LGR6: variants seen among roughly 807,000 people sequenced by gnomAD.
The protein encoded by LGR6 is leucine rich repeat containing G protein-coupled receptor 6.
Under a neutral mutation model 69.4 loss-of-function variants are expected in LGR6, and 45 were observed. The observed-to-expected ratio is 0.65, with a 90% CI of 0.51 to 0.83. The LOEUF is 0.83. LGR6 is among the 40% of genes least tolerant of loss of function. LGR6 has a pLI of 0.00. For synonymous variants in LGR6, 538 were observed against 555.0 expected (o/e 0.97, Z 0.43); for missense variants, 1,108 against 1,246.7 (o/e 0.89, Z 1.68).
At position 202,235,961 on chromosome 1, in the gene LGR6, G is replaced by A. The variant is rs962607392; in HGVS notation, c.396G>A (p.Glu132=). 1 of 1,614,016 alleles carries A rather than the reference G, an allele frequency of 6.2e-7. No individual in the cohort carries two copies. Among genetic ancestry groups the A allele is most frequent in the Non-Finnish European group, 8.5e-7 (1 of 1,180,010 alleles). The change falls in exon 4 of 18, where the codon GAG becomes GAA. Residue 132 remains glutamate (E), a synonymous_variant. Coordinates refer to ENST00000367278, the MANE Select transcript of LGR6 (RefSeq NM_001017403.2). ...QNNQLGGIPA[E]ALWELPSLQS... ...ATCAGCTGGGAGGAATCCCCGCAGA[G>A]GCGCTGTGGGAGCTGCCGAGCCTGC...
rs765601692 is a variant in LGR6, at chr1:202,319,033, C to T, written c.2730C>T (p.Pro910=). 1.2e-6 allele frequency: 2 copies of T among 1,614,150 alleles called. No individual in the cohort carries two copies. The highest frequency in any genetic ancestry group is 1.7e-6 in the Non-Finnish European group (2 of 1,179,996). ...TCTCCTGTCAGCAGCCAGGGGCCCC[C>T]AGGCTGGAGGGCAGCCATTGTGTAG... ...TLISCQQPGA[P]RLEGSHCVEP... is the part of the protein sequence containing the mutation. The change falls in exon 18 of 18, where the codon CCC becomes CCT. Residue 910 remains proline, a synonymous_variant. Coordinates refer to ENST00000367278, the MANE Select transcript of LGR6 (RefSeq NM_001017403.2).
intron 6 of LGR6, among the ~76,000 whole-genome samples, chr1:202,293,377 C>T (rs937073615): frequency 1.3e-5 from 2 of 152,184 alleles, no homozygotes; most frequent in African/African-American, 2.4e-5. Context: ...TCCATGAAGC[C>T]CTCATGGTCT....
At chr1:202,219,890 T>A (rs1389223951) in intron 1 of LGR6, among the ~76,000 whole-genome samples, 2 of 152,174 alleles carry the variant, frequency 1.3e-5, no homozygotes, top group Admixed American at 6.6e-5. Flanking sequence ...TTATTTATTT[T>A]TTTTGAGACA....
chr1:202,300,905 C>T lies in LGR6; in HGVS notation c.842C>T (p.Pro281Leu). The change falls in exon 8 of 18, where the codon CCT becomes CTT. Residue 281 changes from proline (P) to leucine (L), a missense_variant. By Grantham distance (98) the Pro-to-Leu change is moderately conservative. Coordinates refer to ENST00000367278, the MANE Select transcript of LGR6 (RefSeq NM_001017403.2). ...AIPEKAFMGN[P>L]LLQTIHFYDN... ...CCAGAAAAGGCCTTCATGGGGAACCCTCTGCTACAGACGATGTGAGTACTA... is the reference window on the plus strand; with the variant it reads ...CCAGAAAAGGCCTTCATGGGGAACCTTCTGCTACAGACGATGTGAGTACTA... The T allele has an allele frequency of 1.2e-6, 2 of 1,612,364 alleles. No individual in the cohort carries two copies. The highest frequency in any genetic ancestry group is 1.3e-5 in the African/African-American group (1 of 74,950).
chr1:202,301,295 GCT>G, intron 9 of LGR6, 60 bp downstream of exon 9: 1 of 1,390,964 alleles, frequency 7.2e-7, no homozygotes, highest in Non-Finnish European at 1.0e-6. Context: ...ACTCCTTCTT[GCT>G]CTCTCCTGCC....
chr1:202,209,440 G>T (rs1659378793), intron 1 of LGR6, among the ~76,000 whole-genome samples: 1 of 152,188 alleles, frequency 6.6e-6, no homozygotes, highest in South Asian at 2.1e-4. Flanking sequence ...ACATCTTTGT[G>T]AGAAATAGAA....
At position 202,235,996 on chromosome 1, in the gene LGR6, G is replaced by A; in HGVS notation, c.428+3G>A. 1 of 1,613,168 alleles carries A rather than the reference G, an allele frequency of 6.2e-7. No individual in the cohort carries two copies. The highest frequency in any genetic ancestry group is 8.5e-7 in the Non-Finnish European group (1 of 1,179,456). Reference sequence around the variant, plus strand: ...GAGCTGCCGAGCCTGCAGTCGCTGTGAGTCATTAGAGGGCTGGTCTGGGAG... The same window carrying A: ...GAGCTGCCGAGCCTGCAGTCGCTGTAAGTCATTAGAGGGCTGGTCTGGGAG... On this transcript the variant is annotated splice_donor_region_variant and intron_variant, in intron 4 of 17. Transcript: ENST00000367278.
At chr1:202,195,444 C>A (rs1252208915) in intron 1 of LGR6, among the ~76,000 whole-genome samples, 1 of 152,192 alleles carries the variant, frequency 6.6e-6, no homozygotes, top group African/African-American at 2.4e-5. Flanking sequence ...CCCCTCCACT[C>A]CAAAAGGCAC....
intron 1 of LGR6, chr1:202,203,665 C>T: frequency 1.4e-6 from 1 of 690,928 alleles, no homozygotes; most frequent in South Asian, 1.8e-5. Flanking sequence ...ATAACTGTGA[C>T]CTGTTGTAGG....
chr1:202,230,145 T>C (rs1332724032), intron 3 of LGR6, among the ~76,000 whole-genome samples: 2 of 152,154 alleles, frequency 1.3e-5, no homozygotes, highest in African/African-American at 4.8e-5. Flanking sequence ...TGTGGGACAC[T>C]CTGCCTTGGT....
intron 3 of LGR6, among the ~76,000 whole-genome samples, chr1:202,232,813 T>C (rs1254054874): frequency 6.6e-6 from 1 of 152,202 alleles, no homozygotes; most frequent in African/African-American, 2.4e-5. Flanking sequence ...AGACAGGACT[T>C]GAGTCCTAGT....
chr1:202,205,554 T>A (rs1307775044), intron 1 of LGR6, among the ~76,000 whole-genome samples: 2 of 96,156 alleles, frequency 2.1e-5, no homozygotes, highest in Admixed American at 1.2e-4. Flanking sequence ...CAAACACATA[T>A]GCACACCTCC....
At chr1:202,218,038 G>A (rs1174091293) in intron 1 of LGR6, among the ~76,000 whole-genome samples, 2 of 152,202 alleles carry the variant, frequency 1.3e-5, no homozygotes, top group Non-Finnish European at 2.9e-5. Context: ...TAGTATTCAA[G>A]TCATCTCTGG....
intron 16 of LGR6, 24 bp from the exon 17 acceptor site, chr1:202,314,778 G>C: frequency 6.3e-7 from 1 of 1,586,628 alleles, no homozygotes; most frequent in Non-Finnish European, 8.7e-7. Flanking sequence ...CCAGGACCCT[G>C]CATCACTTTG....
rs1437113234 is a variant in LGR6 at position 202,194,068 on chromosome 1, C to T, written c.79C>T (p.Gln27Ter). Residue 27 changes from glutamine (Q) to a stop codon, truncating the protein, a stop_gained, in exon 1 of 18, where the codon CAG becomes TAG. Coordinates refer to ENST00000367278, the MANE Select transcript of LGR6 (RefSeq NM_001017403.2). LOFTEE classifies it high-confidence loss of function. ...TTCCCGGAGGGCCGGCGGCGCCCCC[C>T]AGCCCGGCCCGGGGCCCACCGCCTG... ...CASRRAGGAP[Q>*]PGPGPTACPA... 2 of 1,443,824 alleles carry T rather than the reference C, an allele frequency of 1.4e-6. No homozygotes were observed. The highest frequency in any genetic ancestry group is 1.8e-6 in the Non-Finnish European group (2 of 1,104,820). The allele number at this position is 1,443,824 out of a possible 1,614,324, so 89.4% of individuals were successfully genotyped here.
At chr1:202,261,792 A>G (rs965422931) in intron 4 of LGR6, among the ~76,000 whole-genome samples, 17 of 152,156 alleles carry the variant, frequency 1.1e-4, no homozygotes, top group South Asian at 4.2e-4. Context: ...GGTGTGAGAT[A>G]GTATCTCATT....
chr1:202,288,196 ACT>A (rs1053224300), intron 6 of LGR6, among the ~76,000 whole-genome samples: 3 of 152,090 alleles, frequency 2.0e-5, no homozygotes, highest in African/African-American at 7.2e-5. Flanking sequence ...CACATGGTTT[ACT>A]TCCTCACCTC....
chr1:202,281,685 G>A (rs943281510), intron 6 of LGR6, among the ~76,000 whole-genome samples: 3 of 152,120 alleles, frequency 2.0e-5, no homozygotes, highest in African/African-American at 7.2e-5. Context: ...CACCAAGTAT[G>A]AGCCACTGAG....
chr1:202,229,116 G>T (rs186931327), intron 3 of LGR6, among the ~76,000 whole-genome samples: 69 of 152,272 alleles, frequency 4.5e-4, no homozygotes, highest in Non-Finnish European at 8.2e-4. Context: ...TGGCCCATGA[G>T]TTCCAGGCTT....
Sources: allele counts gnomAD v4.1 joint callset (sites outside exome capture counted in the v4.1 genomes callset), GRCh38; gene constraint gnomAD v4.1.1; transcripts MANE v1.5; gene names NCBI Gene and HGNC (gene_info 2026-07-23, HGNC 2026-07-21).